The following TENM3 variants were observed in gnomAD, a reference collection of about 807,000 sequenced individuals.
TENM3 encodes teneurin-3.
In TENM3, 63 loss-of-function variants were observed where a neutral mutation model predicts 255.1. That is an observed-to-expected ratio of 0.25 (90% confidence interval 0.20 to 0.30). The LOEUF is 0.30. Among genes scored for constraint, TENM3 ranks in the 10% least tolerant of loss-of-function variants. The pLI is 1.00. For synonymous variants in TENM3, 1,306 were observed against 1,322.3 expected, an observed-to-expected ratio of 0.99 and a Z score of 0.27; for missense variants, 2,929 against 3,461.1, an observed-to-expected ratio of 0.85 and a Z score of 3.86.
chr4:182,426,429 C>T (rs578124582), intron 3 of TENM3, among the ~76,000 whole-genome samples: 7 of 152,228 alleles, frequency 4.6e-5, no homozygotes, highest in Admixed American at 2.6e-4. Flanking sequence ...AAGACAATGA[C>T]GGAGGACTGC....
intron 1 of TENM3, among the ~76,000 whole-genome samples, chr4:182,257,227 G>T (rs529857327): frequency 6.6e-6 from 1 of 152,334 alleles, no homozygotes; most frequent in East Asian, 1.9e-4. Context: ...TGTTGATGCT[G>T]ACAGACTGAG....
chr4:182,304,016 A>G (rs2150381920), intron 1 of TENM3, among the ~76,000 whole-genome samples: 1 of 152,280 alleles, frequency 6.6e-6, no homozygotes, highest in South Asian at 2.1e-4. Flanking sequence ...TATAAATGTG[A>G]TAGCCTGATT....
chr4:181,971,704 C>A, the TENM3 span, among the ~76,000 whole-genome samples: 1 of 151,982 alleles, frequency 6.6e-6, no homozygotes, highest in African/African-American at 2.4e-5. Flanking sequence ...GTACGTAGGA[C>A]CACAGGCATG....
chr4:182,108,210 C>T, the TENM3 span, among the ~76,000 whole-genome samples: 1 of 152,202 alleles, frequency 6.6e-6, no homozygotes. Flanking sequence ...CTCTTACCCA[C>T]AGCCTCATAG....
the TENM3 span, among the ~76,000 whole-genome samples, chr4:181,692,094 C>T: frequency 2.6e-5 from 4 of 152,018 alleles, no homozygotes; most frequent in African/African-American, 4.8e-5. Context: ...CATGGATGAA[C>T]GAATTGATGC....
At chr4:182,276,252 C>T (rs1759992390) in intron 1 of TENM3, among the ~76,000 whole-genome samples, 1 of 152,172 alleles carries the variant, frequency 6.6e-6, no homozygotes, top group Admixed American at 6.5e-5. Flanking sequence ...GAGGTTTTTG[C>T]CCTTTACGGT....
At chr4:182,402,959 TG>T (rs1241240124) in intron 3 of TENM3, among the ~76,000 whole-genome samples, 1 of 152,254 alleles carries the variant, frequency 6.6e-6, no homozygotes, top group Non-Finnish European at 1.5e-5. Flanking sequence ...ATGATGGAAA[TG>T]TATTTTTGTC....
the TENM3 span, among the ~76,000 whole-genome samples, chr4:181,536,304 G>A: frequency 6.6e-6 from 1 of 152,068 alleles, no homozygotes; most frequent in Admixed American, 6.5e-5. Flanking sequence ...TGCAATGTTC[G>A]GCCATTATGC....
chr4:182,763,334 G>C (rs1415676633), intron 22 of TENM3, among the ~76,000 whole-genome samples: 1 of 152,164 alleles, frequency 6.6e-6, no homozygotes, highest in East Asian at 1.9e-4. Context: ...GGGAGGCTGA[G>C]GCGGGCGGAT....
chr4:182,706,241 T>A (rs1007236164), intron 12 of TENM3, among the ~76,000 whole-genome samples: 2 of 152,208 alleles, frequency 1.3e-5, no homozygotes, highest in Non-Finnish European at 2.9e-5. Context: ...GAACTTTGTC[T>A]TTGCCACTGC....
chr4:182,652,938 C>G (rs1489906392), intron 5 of TENM3, among the ~76,000 whole-genome samples: 1 of 152,116 alleles, frequency 6.6e-6, no homozygotes, highest in Non-Finnish European at 1.5e-5. Flanking sequence ...GACAGCGACA[C>G]ATTTTTCTAA....
At chr4:181,739,158 C>T in the TENM3 span, among the ~76,000 whole-genome samples, 1 of 152,222 alleles carries the variant, frequency 6.6e-6, no homozygotes, top group Non-Finnish European at 1.5e-5. Context: ...TCCTGTCTGT[C>T]CTTGACGTTG....
At chr4:182,232,212 A>T (rs1164237669) in intron 1 of TENM3, among the ~76,000 whole-genome samples, 1 of 152,116 alleles carries the variant, frequency 6.6e-6, no homozygotes, top group Non-Finnish European at 1.5e-5. Flanking sequence ...TTTCACTTTT[A>T]TTCAGGGCCG....
the TENM3 span, among the ~76,000 whole-genome samples, chr4:182,014,044 G>A: frequency 7.6e-5 from 2 of 26,432 alleles, no homozygotes; most frequent in African/African-American, 1.6e-4. Context: ...ACATATATAC[G>A]TATATATACG....
At chr4:181,888,502 A>ATGTATG in the TENM3 span, among the ~76,000 whole-genome samples, 5 of 24,382 alleles carry the variant, frequency 2.1e-4, no homozygotes, top group African/African-American at 6.5e-4. Flanking sequence ...GTGTATATAT[A>ATGTATG]TATATATATA....
chr4:182,674,735 C>T (rs1755521092), intron 7 of TENM3, among the ~76,000 whole-genome samples: 1 of 152,060 alleles, frequency 6.6e-6, no homozygotes, highest in South Asian at 2.1e-4. Context: ...GTCACCGCCC[C>T]CGGCTAATTT....
At position 182,333,889 on chromosome 4, in the gene TENM3, G is replaced by A. The variant is rs150248948; in HGVS notation, c.232+9637G>A. Among the ~76,000 whole-genome samples the A allele has an allele frequency of 4.4e-3, 674 of 152,244 alleles. 4 individuals are homozygous for A. Among genetic ancestry groups the A allele is most frequent in the Non-Finnish European group, 7.9e-3 (537 of 68,014 alleles). Reference sequence around the variant, plus strand: ...TGGATGAATACAAAATAAATATATGGACAGTGTAGATCATATAGTATAACG... The same window carrying A: ...TGGATGAATACAAAATAAATATATGAACAGTGTAGATCATATAGTATAACG... On this transcript the variant is annotated intron_variant, in intron 2 of 27. Coordinates refer to ENST00000511685, the MANE Select transcript of TENM3 (RefSeq NM_001080477.4).
chr4:182,784,343 G>T (rs1765438367), intron 24 of TENM3, among the ~76,000 whole-genome samples: 1 of 151,984 alleles, frequency 6.6e-6, no homozygotes, highest in Admixed American at 6.6e-5. Flanking sequence ...CCTGCTGGGG[G>T]GTGCCTCCCA....
At chr4:181,476,205 G>GTTTTTTTTTT in the TENM3 span, among the ~76,000 whole-genome samples, 106 of 98,022 alleles carry the variant, frequency 1.1e-3, 1 homozygote, top group African/African-American at 2.9e-3. Context: ...ACATTTTAGG[G>GTTTTTTTTTT]GTTTTTTTTT....
Sources: gnomAD v4.1 joint callset for allele counts (sites outside exome capture counted in the v4.1 genomes callset) on GRCh38, gnomAD v4.1.1 for gene constraint, MANE v1.5 for transcripts, NCBI Gene and HGNC (gene_info 2026-07-23, HGNC 2026-07-21) for gene names.